The following ST14 variants were observed in gnomAD, a reference collection of about 807,000 sequenced individuals.
The protein encoded by ST14 is ST14 transmembrane serine protease matriptase, also known as suppressor of tumorigenicity 14 protein.
Under a neutral mutation model 96.5 loss-of-function variants are expected in ST14, and 40 were observed. The ratio of observed to expected loss-of-function variants is 0.41; its 90% CI spans 0.32 to 0.54. The LOEUF (loss-of-function observed/expected upper bound fraction) is 0.54. ST14 is among the 20% of genes least tolerant of loss of function. The pLI, the probability that ST14 is intolerant of heterozygous loss-of-function variation, is 0.17. For synonymous variants in ST14, 506 were observed against 492.1 expected (o/e 1.03, Z -0.37); for missense variants, 1,066 against 1,188.9 (o/e 0.90, Z 1.52).
Position 130,190,645 on chromosome 11 carries a change from G to A in ST14, c.826G>A (p.Val276Met). The change falls in exon 7 of 19, where the codon GTG becomes ATG. Residue 276 changes from valine to methionine, a missense_variant. Coordinates refer to ENST00000278742, the MANE Select transcript of ST14 (RefSeq NM_021978.4). ...CTGCGACGAGCGCGGCAGCGACCTGGTGACGGTGTACAACACCCTGAGCCC... is the reference window on the plus strand; with the variant it reads ...CTGCGACGAGCGCGGCAGCGACCTGATGACGGTGTACAACACCCTGAGCCC... ...ASCDERGSDL[V>M]TVYNTLSPME... The A allele has an allele frequency of 5.0e-6, 8 of 1,607,742 alleles. No individual in the cohort carries two copies. The highest frequency in any genetic ancestry group is 6.8e-6 in the Non-Finnish European group (8 of 1,177,598).
intron 15 of ST14, 63 bp downstream of exon 15, chr11:130,199,132 G>A: frequency 6.4e-7 from 1 of 1,555,774 alleles, no homozygotes; most frequent in African/African-American, 1.4e-5. Context: ...CCACCAGAGG[G>A]TGCACCTGGA....
chr11:130,209,426 C>G lies in ST14; in HGVS notation c.2270-16C>G. 6.4e-7 allele frequency: 1 copy of G among 1,573,270 alleles called. No individual in the cohort carries two copies. Among genetic ancestry groups the G allele is most frequent in the South Asian group, 1.2e-5 (1 of 85,918 alleles). On this transcript the variant is annotated splice_polypyrimidine_tract_variant and intron_variant, in intron 17 of 18. Transcript: ENST00000278742. ...GAAGCAGCCCGGCTCTCAGCCCCGT[C>G]CTGCCCTCTCCCCAGGCACTGGCGC...
At position 130,184,873 on chromosome 11, in the gene ST14, G is replaced by A. The variant is rs77743146; in HGVS notation, c.82-3241G>A. ...GGCTGGGTTTAAATCACTCCAGCCA[G>A]GAGATTAGAAAATTATTCTCTGGAG... On this transcript the variant is annotated intron_variant, in intron 1 of 18. Transcript: ENST00000278742. 2.4e-4 allele frequency among the ~76,000 whole-genome samples: 37 copies of A among 152,302 alleles called. No homozygotes were observed. The East Asian group carries it at 6.6e-3, about 27-fold the overall frequency.
intron 1 of ST14, among the ~76,000 whole-genome samples, chr11:130,177,471 G>A (rs1306485807): frequency 6.6e-6 from 1 of 152,144 alleles, no homozygotes; most frequent in Non-Finnish European, 1.5e-5. Context: ...GCTGAGGCAG[G>A]AGAACCGCTT....
intron 7 of ST14, among the ~76,000 whole-genome samples, chr11:130,192,525 A>T (rs1953314649): frequency 6.6e-6 from 1 of 152,140 alleles, no homozygotes; most frequent in Admixed American, 6.5e-5. Flanking sequence ...AGCAGCTGGG[A>T]TTACAGGCAT....
chr11:130,206,809 C>G (rs998439167), intron 16 of ST14, among the ~76,000 whole-genome samples: 1 of 152,104 alleles, frequency 6.6e-6, no homozygotes, highest in Non-Finnish European at 1.5e-5. Flanking sequence ...CTCAGGCGAT[C>G]CACCCACCTC....
In ST14 at chr11:130,190,655, A is replaced by T; in HGVS notation, c.836A>T (p.Tyr279Phe). ...DERGSDLVTV[Y>F]NTLSPMEPHA... is the part of the protein sequence containing the mutation. ...CGCGGCAGCGACCTGGTGACGGTGT[A>T]CAACACCCTGAGCCCCATGGAGCCC... The change falls in exon 7 of 19, where the codon TAC (tyrosine) becomes TTC (phenylalanine). Residue 279 changes from tyrosine (Y) to phenylalanine (F), a missense_variant. Physicochemically the swap from Tyr to Phe is conservative, Grantham distance 22 (BLOSUM62 3). Coordinates refer to ENST00000278742, the MANE Select transcript of ST14 (RefSeq NM_021978.4). The T allele has an allele frequency of 6.2e-7, 1 of 1,604,470 alleles. No homozygotes were observed. Among genetic ancestry groups the T allele is most frequent in the African/African-American group, 1.3e-5 (1 of 74,810 alleles).
chr11:130,199,175 T>C, intron 15 of ST14, 106 bp downstream of exon 15: 2 of 1,259,794 alleles, frequency 1.6e-6, no homozygotes, highest in Non-Finnish European at 1.1e-6. Context: ...ACTTAGCAGC[T>C]CTGTGCTTGG....
In ST14 at chr11:130,206,507, C is replaced by T. The variant is rs1031691061; in HGVS notation, c.1995-1903C>T. ...GCGCGAATGTGGTTCCTTATTGTACCGTTTCTTCAGCATTTAGGGGCTGCT... is the reference window on the plus strand; with the variant it reads ...GCGCGAATGTGGTTCCTTATTGTACTGTTTCTTCAGCATTTAGGGGCTGCT... On this transcript the variant is annotated intron_variant, in intron 16 of 18. Coordinates refer to ENST00000278742, the MANE Select transcript of ST14 (RefSeq NM_021978.4). Among the ~76,000 whole-genome samples the T allele has an allele frequency of 2.0e-4, 31 of 152,130 alleles. No homozygotes were observed. In the East Asian group the frequency reaches 5.6e-3, roughly 27 times the overall value.
At chr11:130,199,425 C>G (rs1167153755) in intron 15 of ST14, among the ~76,000 whole-genome samples, 1 of 152,212 alleles carries the variant, frequency 6.6e-6, no homozygotes, top group African/African-American at 2.4e-5. Flanking sequence ...GGGTGTCACC[C>G]CTGCCTGCCC....
Position 130,194,872 on chromosome 11 carries a change from G to A in ST14, c.1113+135G>A, listed in dbSNP as rs61913753. 5.1e-5 allele frequency: 26 copies of A among 509,066 alleles called. No individual in the cohort carries two copies. Among genetic ancestry groups the A allele is most frequent in the East Asian group, 8.7e-5 (2 of 23,036 alleles). The allele number at this position is 509,066 out of a possible 1,614,324, so 31.5% of individuals were successfully genotyped here. A position where few individuals can be genotyped will look rare whatever the true frequency, so the allele number is the denominator to read the frequency against. ...TGTGCATGTGTGTGTGTGTGTGTGTGTGTGCGTATGTGTGTGTGTGAGACA... is the reference window on the plus strand; with the variant it reads ...TGTGCATGTGTGTGTGTGTGTGTGTATGTGCGTATGTGTGTGTGTGAGACA... On this transcript the variant is annotated intron_variant, in intron 9 of 18. Transcript: ENST00000278742.
At chr11:130,194,866 G>A (rs886566115) in intron 9 of ST14, 129 bp downstream of exon 9, 30 of 883,984 alleles carry the variant, frequency 3.4e-5, no homozygotes, top group Non-Finnish European at 4.9e-5. Context: ...GTGTGTGTGT[G>A]TGTGTGTGTG....
At position 130,196,441 on chromosome 11, in the gene ST14, G is replaced by C. The variant is rs765038639; in HGVS notation, c.1216G>C (p.Gly406Arg). Residue 406 changes from glycine (G) to arginine (R), a missense_variant, in exon 10 of 19, where the codon GGG (glycine) becomes CGG (arginine). Physicochemically the swap from Gly to Arg is moderately radical, Grantham distance 125. Transcript: ENST00000278742. The stretch of plus-strand genomic sequence containing the variant: ...CCCCAAGGACTACGTGGAGATCAAC[G>C]GGGAGAAGTGAGTCCCCGGGGGTAT... ...TCPKDYVEIN[G>R]EKYCGERSQF... 4 of 1,606,722 alleles carry C rather than the reference G, an allele frequency of 2.5e-6. No homozygotes were observed. Among genetic ancestry groups the C allele is most frequent in the Non-Finnish European group, 3.4e-6 (4 of 1,176,776 alleles).
chr11:130,168,606 G>C (rs1953062233), intron 1 of ST14, among the ~76,000 whole-genome samples: 1 of 152,166 alleles, frequency 6.6e-6, no homozygotes, highest in African/African-American at 2.4e-5. Flanking sequence ...ATGGTCTCGC[G>C]AGGATGAGAG....
intron 16 of ST14, among the ~76,000 whole-genome samples, chr11:130,205,984 A>T (rs1399153647): frequency 1.3e-5 from 2 of 152,162 alleles, no homozygotes; most frequent in African/African-American, 4.8e-5. Flanking sequence ...GGCGTGAGCC[A>T]CCATGCCCAG....
intron 1 of ST14, among the ~76,000 whole-genome samples, chr11:130,173,754 C>T (rs981070231): frequency 6.6e-6 from 1 of 152,180 alleles, no homozygotes; most frequent in Non-Finnish European, 1.5e-5. Flanking sequence ...GCCCTTGTCA[C>T]TCTGTCCCGA....
rs376282304 is a variant in ST14, at chr11:130,179,988, C to A, written c.82-8126C>A. Among the ~76,000 whole-genome samples, 3 of 152,340 alleles carry A rather than the reference C, an allele frequency of 2.0e-5. No individual in the cohort carries two copies. In the East Asian group the frequency reaches 5.8e-4, roughly 29 times the overall value. ...AACCCTTGCAGGTGCTCGGGCTCTA[C>A]TTTCCTTTCTCGCTTGAACAATTAC... On this transcript the variant is annotated intron_variant, in intron 1 of 18. Transcript: ENST00000278742.
rs1412510866 is a variant in ST14 at position 130,159,859 on chromosome 11, G to GGC, written c.-116_-115dup. ...AGGGCGAGGGCACCGCCGCCGGTCG[G>GGC]GCGCGCTGGGCCTGCCCGGAATCCC... On this transcript the variant is annotated 5_prime_UTR_variant, in exon 1 of 19. Coordinates refer to ENST00000278742, the MANE Select transcript of ST14 (RefSeq NM_021978.4). The GGC allele has an allele frequency of 5.7e-5, 22 of 385,188 alleles. No homozygotes were observed. Among genetic ancestry groups the GGC allele is most frequent in the Admixed American group, 3.7e-4 (7 of 18,866 alleles). The allele number at this position is 385,188 out of a possible 1,614,324, so 23.9% of individuals were successfully genotyped here.
chr11:130,197,396 T>G (rs567316658), intron 11 of ST14, among the ~76,000 whole-genome samples: 1 of 152,340 alleles, frequency 6.6e-6, no homozygotes, highest in South Asian at 2.1e-4. Context: ...TGGAAAATGT[T>G]TAGGGTGAAG....
Sources: allele counts gnomAD v4.1 joint callset (sites outside exome capture counted in the v4.1 genomes callset), GRCh38; gene constraint gnomAD v4.1.1; transcripts MANE v1.5; gene names NCBI Gene and HGNC (gene_info 2026-07-23, HGNC 2026-07-21).